ARHGAP39: variants seen among roughly 807,000 people sequenced by gnomAD.
The protein encoded by ARHGAP39 is rho GTPase-activating protein 39.
A neutral mutation model predicts 106.9 loss-of-function variants in ARHGAP39; 44 were observed. The ratio of observed to expected loss-of-function variants is 0.41; its 90% CI spans 0.32 to 0.53. The LOEUF (loss-of-function observed/expected upper bound fraction) is 0.53, where lower values mean the gene tolerates loss of function less well. ARHGAP39 is among the 20% of genes least tolerant of loss of function. The pLI is 0.21. For missense variants in ARHGAP39, 1,496 were observed against 1,577.3 expected (o/e 0.95, Z 0.87); for synonymous variants, 768 against 693.2 (o/e 1.11, Z -1.69).
chr8:144,541,010 CCTGA>C (rs745598897), intron 6 of ARHGAP39, among the ~76,000 whole-genome samples: 10 of 152,280 alleles, frequency 6.6e-5, no homozygotes, highest in Admixed American at 3.9e-4. Flanking sequence ...CGCCACCATG[CCTGA>C]CTAATTTTTG....
At chr8:144,632,516 G>C (rs1821087395) in intron 1 of ARHGAP39, among the ~76,000 whole-genome samples, 1 of 152,242 alleles carries the variant, frequency 6.6e-6, no homozygotes, top group Non-Finnish European at 1.5e-5. Context: ...GGCGAATCGA[G>C]GGGTACAGTG....
At chr8:144,612,008 TAAA>T (rs554351101) in intron 1 of ARHGAP39, among the ~76,000 whole-genome samples, 16 of 109,748 alleles carry the variant, frequency 1.5e-4, no homozygotes, top group Non-Finnish European at 1.4e-4. Flanking sequence ...AAACTCCATG[TAAA>T]AAAAAAAAAA....
At chr8:144,690,811 ATT>A (rs113293471), upstream of ARHGAP39, among the ~76,000 whole-genome samples, 1,772 of 116,234 alleles carry the variant, frequency 0.015, 32 homozygotes, top group African/African-American at 0.053. Flanking sequence ...CACCCAGCTG[ATT>A]TTTTTTTTTT....
rs549893228 is a variant in ARHGAP39, at chr8:144,628,045, C to T, written c.-81-22350G>A. ...CAGGAGGCTGGCACTGCCAGTCCTG[C>T]ACCTGCGGGAGAGCCATGGCTGGCA... On this transcript the variant is annotated intron_variant, in intron 1 of 11. Transcript: ENST00000377307. 1.2e-3 allele frequency among the ~76,000 whole-genome samples: 187 copies of T among 152,368 alleles called. 2 individuals carry two copies. The highest frequency in any genetic ancestry group is 2.3e-3 in the Non-Finnish European group (159 of 68,036).
intron 1 of ARHGAP39, among the ~76,000 whole-genome samples, chr8:144,606,392 C>T (rs912683162): frequency 1.2e-4 from 18 of 152,200 alleles, no homozygotes; most frequent in African/African-American, 3.9e-4. Flanking sequence ...GTGAACACGA[C>T]GAGGATGAAG....
intron 1 of ARHGAP39, among the ~76,000 whole-genome samples, chr8:144,676,768 G>C (rs926309778): frequency 6.6e-6 from 1 of 152,240 alleles, no homozygotes; most frequent in Non-Finnish European, 1.5e-5. Flanking sequence ...ACCTCTCTGC[G>C]AGCAGAGGGA....
Position 144,530,251 on chromosome 8 carries a change from A to G in ARHGAP39, c.*171T>C. On this transcript the variant is annotated 3_prime_UTR_variant, in exon 12 of 12. Coordinates refer to ENST00000377307, the MANE Select transcript of ARHGAP39 (RefSeq NM_025251.3). ...CCCGCCGCTGCTGTGCCCTGGCTGC[A>G]CCCTCAGACCAGGCAGAAGACGTGG... The G allele has an allele frequency of 1.4e-6, 1 of 721,088 alleles. No individual in the cohort carries two copies. Among genetic ancestry groups the G allele is most frequent in the Non-Finnish European group, 2.2e-6 (1 of 449,632 alleles). The allele number at this position is 721,088 out of a possible 1,614,324, so 44.7% of individuals were successfully genotyped here.
chr8:144,621,986 T>C (rs1167690526), intron 1 of ARHGAP39, among the ~76,000 whole-genome samples: 1 of 152,136 alleles, frequency 6.6e-6, no homozygotes, highest in Non-Finnish European at 1.5e-5. Flanking sequence ...GAATGCACAA[T>C]GTTAAGGGTG....
chr8:144,675,687 G>T (rs1026547527), intron 1 of ARHGAP39, among the ~76,000 whole-genome samples: 5 of 151,520 alleles, frequency 3.3e-5, no homozygotes. Flanking sequence ...CTTCAGGAGT[G>T]AAACTGCAGA....
intron 1 of ARHGAP39, among the ~76,000 whole-genome samples, chr8:144,657,062 G>T (rs1304379851): frequency 6.6e-6 from 1 of 151,836 alleles, no homozygotes; most frequent in Non-Finnish European, 1.5e-5. Flanking sequence ...CTGCACTGGT[G>T]AACATTTAAG....
chr8:144,677,120 C>T (rs529460299), intron 1 of ARHGAP39, among the ~76,000 whole-genome samples: 26 of 152,346 alleles, frequency 1.7e-4, no homozygotes, highest in Non-Finnish European at 2.8e-4. Context: ...AACTCACTTC[C>T]TTTTATTGCC....
At chr8:144,621,604 C>T (rs1163364189) in intron 1 of ARHGAP39, among the ~76,000 whole-genome samples, 1 of 152,110 alleles carries the variant, frequency 6.6e-6, no homozygotes, top group Non-Finnish European at 1.5e-5. Context: ...ATTGCTTCAG[C>T]CCAGAAGTTC....
the ARHGAP39 span, among the ~76,000 whole-genome samples, chr8:144,699,355 T>G: frequency 1.2e-4 from 1 of 8,560 alleles, no homozygotes; most frequent in South Asian, 6.3e-3. Flanking sequence ...TGGGGAGCTG[T>G]GGGGTGGGGT....
chr8:144,687,708 G>A (rs74817075), upstream of ARHGAP39, among the ~76,000 whole-genome samples: 242 of 90,104 alleles, frequency 2.7e-3, 3 homozygotes, highest in African/African-American at 9.3e-3. Context: ...ACACACTAGC[G>A]GTGAGCACTT....
In ARHGAP39 at chr8:144,545,297, G is replaced by A. The variant is rs1370051071; in HGVS notation, c.2473C>T (p.Leu825=). 4.4e-6 allele frequency: 7 copies of A among 1,578,812 alleles called. No homozygotes were observed. The South Asian group carries it at 6.8e-5, about 15-fold the overall frequency. Residue 825 remains leucine, a synonymous_variant, in exon 6 of 12, where the codon CTG becomes TTG. Coordinates refer to ENST00000377307, the MANE Select transcript of ARHGAP39 (RefSeq NM_025251.3). ...ATGTGCCGGTAGATGTAGCCTTCCA[G>A]GTAGGAGTGGAACTTGGGGGTGGGC... ...FPPTPKFHSY[L]EGYIYRHMDP... is the part of the protein sequence containing the mutation.
chr8:144,560,903 A>G (rs1210401484), intron 3 of ARHGAP39, among the ~76,000 whole-genome samples: 2 of 152,278 alleles, frequency 1.3e-5, no homozygotes, highest in East Asian at 3.8e-4. Flanking sequence ...TTACAAAAAT[A>G]AAAATGACCC....
At chr8:144,620,563 TTG>T (rs759747807) in intron 1 of ARHGAP39, among the ~76,000 whole-genome samples, 5 of 150,378 alleles carry the variant, frequency 3.3e-5, no homozygotes, top group African/African-American at 7.4e-5. Flanking sequence ...GTGCGTGAGC[TTG>T]TGTGTCCATG....
intron 2 of ARHGAP39, among the ~76,000 whole-genome samples, chr8:144,590,540 G>A (rs915197015): frequency 3.3e-5 from 5 of 152,012 alleles, no homozygotes; most frequent in African/African-American, 1.2e-4. Flanking sequence ...AGATGCTGGC[G>A]CCATGCTTCC....
chr8:144,615,913 G>C (rs1337033374), intron 1 of ARHGAP39, among the ~76,000 whole-genome samples: 1 of 152,232 alleles, frequency 6.6e-6, no homozygotes, highest in Non-Finnish European at 1.5e-5. Context: ...GCCTGCTCCA[G>C]GACAGGCCAG....
Sources: gnomAD v4.1 joint callset for allele counts (sites outside exome capture counted in the v4.1 genomes callset) on GRCh38, gnomAD v4.1.1 for gene constraint, MANE v1.5 for transcripts, NCBI Gene and HGNC (gene_info 2026-07-23, HGNC 2026-07-21) for gene names.